Variants in RAB2B observed in about 807,000 individuals in gnomAD.
RAB2B encodes the protein RAB2B, member RAS oncogene family.
RAB2B carries 20 observed loss-of-function variants against 29.8 expected under a neutral mutation model. That is an observed-to-expected ratio of 0.67 (90% confidence interval 0.47 to 0.97). The LOEUF (loss-of-function observed/expected upper bound fraction) is 0.97, where lower values mean the gene tolerates loss of function less well. Ranked by LOEUF, RAB2B falls within the 50% of genes least tolerant of loss-of-function variation. RAB2B has a pLI of 0.00. For missense variants in RAB2B, 218 were observed against 272.0 expected (o/e 0.80, Z 1.40); for synonymous variants, 93 against 91.7 (o/e 1.01, Z -0.08).
rs1890619986 is a variant in RAB2B, at chr14:21,463,668, G to A, written c.462C>T (p.Cys154=). The part of the protein sequence containing the change: ...IFMETSAKTA[C]NVEEAFINTA... ...TTCCAAATAGTACCTCTTCAACATT[G>A]CAGGCTGTTTTGGCTGAAGTTTCCA... Residue 154 remains cysteine, a synonymous_variant, in exon 6 of 8, where the codon TGC becomes TGT. Coordinates refer to ENST00000397762, the MANE Select transcript of RAB2B (RefSeq NM_032846.4). 1.2e-6 allele frequency: 2 copies of A among 1,610,228 alleles called. No individual in the cohort carries two copies. Among genetic ancestry groups the A allele is most frequent in the Non-Finnish European group, 1.7e-6 (2 of 1,176,526 alleles).
chr14:21,462,945 A>G (rs2139592982), intron 6 of RAB2B, among the ~76,000 whole-genome samples: 1 of 152,158 alleles, frequency 6.6e-6, no homozygotes, highest in East Asian at 1.9e-4. Context: ...ATTATGGGGT[A>G]TTCTGGTACT....
intron 2 of RAB2B, chr14:21,476,320 A>AT (rs1890962129): frequency 5.2e-6 from 3 of 572,534 alleles, no homozygotes; most frequent in Non-Finnish European, 9.3e-6. Flanking sequence ...CACACTCTAA[A>AT]AAGTTACCTT....
rs540532998 is a variant in RAB2B at position 21,459,382 on chromosome 14, C to G, written c.*1814G>C. On this transcript the variant is annotated 3_prime_UTR_variant, in exon 8 of 8. Coordinates refer to ENST00000397762, the MANE Select transcript of RAB2B (RefSeq NM_032846.4). ...TAAACAAATGAGTGGGGCAGAATTACAGAGAGAGGACTCTAAAGTCTTTTG... is the reference window on the plus strand; with the variant it reads ...TAAACAAATGAGTGGGGCAGAATTAGAGAGAGAGGACTCTAAAGTCTTTTG... The G allele has an allele frequency of 9.9e-5, 15 of 152,256 alleles. No individual in the cohort carries two copies. In the East Asian group the frequency reaches 1.3e-3, roughly 14 times the overall value. The allele number at this position is 152,256 out of a possible 1,614,324, so 9.4% of individuals were successfully genotyped here.
intron 2 of RAB2B, among the ~76,000 whole-genome samples, chr14:21,475,845 A>G (rs1033483157): frequency 1.4e-4 from 22 of 152,210 alleles, no homozygotes; most frequent in Non-Finnish European, 2.1e-4. Flanking sequence ...GGAAGTAGCA[A>G]TATGGTAAGA....
At chr14:21,462,611 G>A (rs1399257953) in intron 6 of RAB2B, among the ~76,000 whole-genome samples, 193 bp from the exon 7 acceptor site, 4 of 151,976 alleles carry the variant, frequency 2.6e-5, no homozygotes, top group African/African-American at 7.3e-5. Flanking sequence ...AGGCCGAGGC[G>A]GGCAAGTCAC....
At chr14:21,473,605 G>A (rs2139606144) in intron 3 of RAB2B, among the ~76,000 whole-genome samples, 1 of 152,330 alleles carries the variant, frequency 6.6e-6, no homozygotes, top group Non-Finnish European at 1.5e-5. Flanking sequence ...TTCAGGCTGG[G>A]CACTGTGGCT....
chr14:21,476,174 C>T, intron 2 of RAB2B: 1 of 201,294 alleles, frequency 5.0e-6, no homozygotes, highest in South Asian at 1.4e-4. Flanking sequence ...TTGGTGTTTA[C>T]TTTTTAAAAG....
Position 21,476,523 on chromosome 14 carries a change from C to G in RAB2B, c.118+5G>C. The G allele has an allele frequency of 6.2e-7, 1 of 1,613,802 alleles. No homozygotes were observed. Among genetic ancestry groups the G allele is most frequent in the Middle Eastern group, 1.6e-4 (1 of 6,062 alleles). On this transcript the variant is annotated splice_donor_5th_base_variant and intron_variant, in intron 2 of 7. Coordinates refer to ENST00000397762, the MANE Select transcript of RAB2B (RefSeq NM_032846.4). Reference sequence around the variant, plus strand: ...ATCTGTTCTGGAACAAGTAGATGCACTTACCTATTGTGAGGTCGTGGACAG... The same window carrying G: ...ATCTGTTCTGGAACAAGTAGATGCAGTTACCTATTGTGAGGTCGTGGACAG...
chr14:21,476,904 C>G lies in RAB2B; in HGVS notation c.-32G>C, dbSNP rs1314933921. The G allele has an allele frequency of 6.2e-7, 1 of 1,612,048 alleles. No homozygotes were observed. Among genetic ancestry groups the G allele is most frequent in the Non-Finnish European group, 8.5e-7 (1 of 1,179,484 alleles). Reference sequence around the variant, plus strand: ...GCGTCCTCTGGGTTCCGGGTCCGCCCGACTTCTATAGCCACTTACCTCCGA... The same window carrying G: ...GCGTCCTCTGGGTTCCGGGTCCGCCGGACTTCTATAGCCACTTACCTCCGA... On this transcript the variant is annotated 5_prime_UTR_variant, in exon 1 of 8. Transcript: ENST00000397762.
chr14:21,468,816 TG>T, intron 3 of RAB2B, 64 bp from the exon 4 acceptor site: 1 of 1,040,252 alleles, frequency 9.6e-7, no homozygotes, highest in South Asian at 2.2e-5. Flanking sequence ...AGAACCGACT[TG>T]ATCACATGCC....
In RAB2B at chr14:21,460,224, T is replaced by C. The variant is rs1045811; in HGVS notation, c.*972A>G. On this transcript the variant is annotated 3_prime_UTR_variant, in exon 8 of 8. Transcript: ENST00000397762. ...CCAAAGGCCAACTAGATCTAGGTAA[T>C]TGCAAGTGTTCAAATAGAATGTCTT... The C allele has an allele frequency of 0.15, 78,873 of 515,824 alleles. 8,748 individuals are homozygous for C. The highest frequency in any genetic ancestry group is 0.36 in the African/African-American group (18,583 of 51,724). 32.0% of individuals were successfully genotyped at this position (515,824 alleles called of 1,614,324 possible).
At position 21,463,780 on chromosome 14, in the gene RAB2B, A is replaced by G; in HGVS notation, c.363-13T>C. ...GGACTCTAGGTCACTGCAAGAGATT[A>G]ATTAAGGAGAAAATTTAAAAAAAAG... On this transcript the variant is annotated splice_polypyrimidine_tract_variant and intron_variant, in intron 5 of 7. Coordinates refer to ENST00000397762, the MANE Select transcript of RAB2B (RefSeq NM_032846.4). 6.7e-7 allele frequency: 1 copy of G among 1,484,888 alleles called. No homozygotes were observed. Among genetic ancestry groups the G allele is most frequent in the Non-Finnish European group, 9.2e-7 (1 of 1,082,064 alleles). The allele number at this position is 1,484,888 out of a possible 1,614,324, so 92.0% of individuals were successfully genotyped here.
intron 5 of RAB2B, among the ~76,000 whole-genome samples, chr14:21,464,842 A>G (rs1422600203): frequency 6.6e-6 from 1 of 152,122 alleles, no homozygotes; most frequent in African/African-American, 2.4e-5. Flanking sequence ...TGTCTCTACA[A>G]AAATTTAAAA....
At chr14:21,461,436 T>C (rs1594406046) in intron 7 of RAB2B, 133 bp from the exon 8 acceptor site, 1 of 599,006 alleles carries the variant, frequency 1.7e-6, no homozygotes, top group Non-Finnish European at 2.8e-6. Flanking sequence ...ATTAATTATA[T>C]TTTCTAAAAG....
In RAB2B at chr14:21,475,822, A is replaced by G. The variant is rs79719821; in HGVS notation, c.118+706T>C. 2.1e-3 allele frequency among the ~76,000 whole-genome samples: 323 copies of G among 152,346 alleles called. 9 individuals carry two copies. In the East Asian group the frequency reaches 0.041, roughly 19 times the overall value. ...AACAGTGGTAGCTTCAGGTTTCCAT[A>G]CAGGTGGGACTTGGAAGTAGCAATA... On this transcript the variant is annotated intron_variant, in intron 2 of 7. Transcript: ENST00000397762.
chr14:21,461,255 C>G lies in RAB2B; in HGVS notation c.592G>C (p.Gly198Arg), dbSNP rs1443538793. ...GAGTTCCGCTGGGAGGCACTGGGTC[C>G]CACTGATGTTGAAATTGACTGTTGG... ...GPQQSISTSV[G>R]PSASQRNSRD... is the part of the protein sequence containing the mutation. The change falls in exon 8 of 8, where the codon GGA becomes CGA. Residue 198 changes from glycine (G) to arginine (R), a missense_variant. Transcript: ENST00000397762. The G allele has an allele frequency of 1.2e-6, 2 of 1,613,814 alleles. No individual in the cohort carries two copies. Among genetic ancestry groups the G allele is most frequent in the African/African-American group, 1.3e-5 (1 of 75,014 alleles).
In RAB2B at chr14:21,461,144, C is replaced by CT; in HGVS notation, c.*51dup. ...GCAAGAAAGACCTCTTTCATTAAGC[C>CT]TATTGATCTGAAGCTATTCCAGGAA... On this transcript the variant is annotated 3_prime_UTR_variant, in exon 8 of 8. Coordinates refer to ENST00000397762, the MANE Select transcript of RAB2B (RefSeq NM_032846.4). The CT allele has an allele frequency of 8.0e-7, 1 of 1,243,516 alleles. No individual in the cohort carries two copies. Among genetic ancestry groups the CT allele is most frequent in the Non-Finnish European group, 1.2e-6 (1 of 858,044 alleles). 77.0% of individuals were successfully genotyped at this position (1,243,516 alleles called of 1,614,324 possible). A position where few individuals can be genotyped will look rare whatever the true frequency, so the allele number is the denominator to read the frequency against.
At chr14:21,473,172 G>A (rs1022266237) in intron 3 of RAB2B, among the ~76,000 whole-genome samples, 6 of 152,128 alleles carry the variant, frequency 3.9e-5, no homozygotes, top group African/African-American at 9.7e-5. Flanking sequence ...GCATTGGGGA[G>A]GGAAGGAGAG....
Position 21,471,379 on chromosome 14 carries a change from G to A in RAB2B, c.187-2627C>T, listed in dbSNP as rs899407805. Among the ~76,000 whole-genome samples, 6 of 151,854 alleles carry A rather than the reference G, an allele frequency of 4.0e-5. No homozygotes were observed. In the South Asian group the frequency reaches 6.2e-4, roughly 16 times the overall value. On this transcript the variant is annotated intron_variant, in intron 3 of 7. Transcript: ENST00000397762. Reference sequence around the variant, plus strand: ...TGCCTATAATCCCAGCACTTTGGGAGGCCAAGGTGGGCAGATCATTTGAGC... The same window carrying A: ...TGCCTATAATCCCAGCACTTTGGGAAGCCAAGGTGGGCAGATCATTTGAGC...
Sources: allele counts gnomAD v4.1 joint callset (sites outside exome capture counted in the v4.1 genomes callset), GRCh38; gene constraint gnomAD v4.1.1; transcripts MANE v1.5; gene names NCBI Gene and HGNC (gene_info 2026-07-23, HGNC 2026-07-21).